NOS1AP: variants seen among roughly 807,000 people sequenced by gnomAD.
NOS1AP encodes the protein carboxyl-terminal PDZ ligand of neuronal nitric oxide synthase protein.
Under a neutral mutation model 56.2 loss-of-function variants are expected in NOS1AP, and 21 were observed. That is an observed-to-expected ratio of 0.37 (90% CI 0.26 to 0.54). NOS1AP has a LOEUF of 0.54. Ranked by LOEUF, NOS1AP falls within the 20% of genes least tolerant of loss-of-function variation. NOS1AP has a pLI of 0.84. For missense variants in NOS1AP, 522 were observed against 657.8 expected (o/e 0.79, Z 2.26); for synonymous variants, 270 against 274.6 (o/e 0.98, Z 0.17).
chr1:162,095,593 C>G (rs1305614493), intron 1 of NOS1AP, among the ~76,000 whole-genome samples: 1 of 152,166 alleles, frequency 6.6e-6, no homozygotes, highest in Non-Finnish European at 1.5e-5. Context: ...GTTAAATTGT[C>G]TTTTCTACTA....
chr1:162,243,614 A>G (rs1653567099), intron 2 of NOS1AP, among the ~76,000 whole-genome samples: 1 of 152,172 alleles, frequency 6.6e-6, no homozygotes, highest in African/African-American at 2.4e-5. Context: ...CCCATCAATT[A>G]TGGTGGAAGT....
chr1:162,296,244 G>A (rs183383578), intron 3 of NOS1AP, among the ~76,000 whole-genome samples: 5 of 152,158 alleles, frequency 3.3e-5, no homozygotes, highest in South Asian at 2.1e-4. Flanking sequence ...CCGAGATCGC[G>A]CCACTGCACT....
At chr1:162,321,541 G>T (rs990870536) in intron 4 of NOS1AP, among the ~76,000 whole-genome samples, 1 of 152,050 alleles carries the variant, frequency 6.6e-6, no homozygotes, top group East Asian at 1.9e-4. Flanking sequence ...GACACAGGGT[G>T]GGGGACATCA....
chr1:162,322,324 T>C (rs1656448486), intron 4 of NOS1AP, among the ~76,000 whole-genome samples: 1 of 152,160 alleles, frequency 6.6e-6, no homozygotes, highest in Non-Finnish European at 1.5e-5. Flanking sequence ...GGTAGGCAGG[T>C]CAGAGCAACT....
At chr1:162,078,156 A>G (rs984978188) in intron 1 of NOS1AP, among the ~76,000 whole-genome samples, 1 of 151,696 alleles carries the variant, frequency 6.6e-6, no homozygotes, top group African/African-American at 2.4e-5. Flanking sequence ...TTTGGATTCT[A>G]TCTACTCCCA....
intron 2 of NOS1AP, among the ~76,000 whole-genome samples, chr1:162,228,302 ATATGTT>A (rs1653010746): frequency 6.6e-6 from 1 of 152,230 alleles, no homozygotes; most frequent in Non-Finnish European, 1.5e-5. Context: ...AAAAGCGTAT[ATATGTT>A]TACTGTGAGT....
At chr1:162,360,971 G>A (rs1351159750) in intron 8 of NOS1AP, 2 of 455,864 alleles carry the variant, frequency 4.4e-6, no homozygotes, top group Non-Finnish European at 8.8e-6. Flanking sequence ...GTGTGGCTGG[G>A]TGGGTTGAGG....
intron 2 of NOS1AP, among the ~76,000 whole-genome samples, chr1:162,277,952 G>A (rs533614378): frequency 3.3e-5 from 5 of 152,104 alleles, no homozygotes; most frequent in Non-Finnish European, 5.9e-5. Context: ...ATTCCTTAGT[G>A]CTGTTGCCAA....
At chr1:162,276,114 T>G (rs1020891126) in intron 2 of NOS1AP, among the ~76,000 whole-genome samples, 3 of 152,216 alleles carry the variant, frequency 2.0e-5, no homozygotes, top group Non-Finnish European at 2.9e-5. Flanking sequence ...TACCACTTTA[T>G]CTTTTACAGA....
intron 3 of NOS1AP, among the ~76,000 whole-genome samples, chr1:162,290,962 G>T (rs921476230): frequency 1.3e-5 from 2 of 151,568 alleles, no homozygotes; most frequent in African/African-American, 4.8e-5. Flanking sequence ...ATGCTTTTTG[G>T]TGTTTGTGTG....
intron 2 of NOS1AP, among the ~76,000 whole-genome samples, chr1:162,158,816 G>T (rs1254953755): frequency 6.6e-6 from 1 of 152,218 alleles, no homozygotes; most frequent in East Asian, 1.9e-4. Flanking sequence ...CAGGATGGTT[G>T]TCCTGCTCGC....
At chr1:162,222,848 G>A (rs374643898) in intron 2 of NOS1AP, among the ~76,000 whole-genome samples, 121 of 152,312 alleles carry the variant, frequency 7.9e-4, no homozygotes, top group African/African-American at 2.8e-3. Flanking sequence ...ATGGATATTT[G>A]CATTCCTTGT....
chr1:162,193,345 T>A (rs556004643), intron 2 of NOS1AP, among the ~76,000 whole-genome samples: 1 of 152,110 alleles, frequency 6.6e-6, no homozygotes, highest in African/African-American at 2.4e-5. Flanking sequence ...GATAAGATTC[T>A]GGGGCATTTT....
chr1:162,171,557 T>C (rs148614569), intron 2 of NOS1AP, among the ~76,000 whole-genome samples: 2,336 of 152,270 alleles, frequency 0.015, 37 homozygotes, highest in South Asian at 0.039. Context: ...GTACTGGTCT[T>C]CACTCCTGCT....
intron 8 of NOS1AP, chr1:162,360,429 G>C (rs555849241): frequency 5.6e-6 from 1 of 178,502 alleles, no homozygotes; most frequent in Non-Finnish European, 1.2e-5. Flanking sequence ...GGGCTGGGCC[G>C]ACATAGTCTC....
chr1:162,090,563 A>G (rs1692108766), intron 1 of NOS1AP, among the ~76,000 whole-genome samples: 2 of 152,014 alleles, frequency 1.3e-5, no homozygotes, highest in Admixed American at 6.5e-5. Context: ...ACTCTTATCC[A>G]TATGTTGGTT....
intron 4 of NOS1AP, among the ~76,000 whole-genome samples, chr1:162,324,012 C>T (rs768713676): frequency 2.2e-4 from 34 of 152,030 alleles, no homozygotes; most frequent in Admixed American, 5.9e-4. Flanking sequence ...AGAGGATAAA[C>T]GAAAAAAGAG....
Position 162,356,938 on chromosome 1 carries a change from C to T in NOS1AP, c.763-22C>T, listed in dbSNP as rs770613992. 2.5e-6 allele frequency: 4 copies of T among 1,613,966 alleles called. No individual in the cohort carries two copies. The South Asian group carries it at 4.4e-5, about 18-fold the overall frequency. On this transcript the variant is annotated intron_variant, in intron 7 of 9. Transcript: ENST00000361897. ...GATGGCTCCTGCCACATGTCATGTCCTGTCTTCTCCTTCTCCTCCAGGTTT... is the reference window on the plus strand; with the variant it reads ...GATGGCTCCTGCCACATGTCATGTCTTGTCTTCTCCTTCTCCTCCAGGTTT...
chr1:162,289,457 C>G lies in NOS1AP; in HGVS notation c.270+2021C>G, dbSNP rs553417509. Among the ~76,000 whole-genome samples the G allele has an allele frequency of 3.6e-3, 537 of 147,464 alleles. 4 individuals carry two copies. Among genetic ancestry groups the G allele is most frequent in the African/African-American group, 0.013 (513 of 39,830 alleles). ...TGATTACTGGCGCCTGCCACCACGCCCAGCTACTTTTCTTTTTTTTTTTTT... is the reference window on the plus strand; with the variant it reads ...TGATTACTGGCGCCTGCCACCACGCGCAGCTACTTTTCTTTTTTTTTTTTT... On this transcript the variant is annotated intron_variant, in intron 3 of 9. Transcript: ENST00000361897.
Sources: allele counts gnomAD v4.1 joint callset (sites outside exome capture counted in the v4.1 genomes callset), GRCh38; gene constraint gnomAD v4.1.1; transcripts MANE v1.5; gene names NCBI Gene and HGNC (gene_info 2026-07-23, HGNC 2026-07-21).